The following PNPT1 variants were observed in gnomAD, a reference collection of about 807,000 sequenced individuals.
PNPT1 encodes the protein polyribonucleotide nucleotidyltransferase 1, mitochondrial.
A neutral mutation model predicts 119.5 loss-of-function variants in PNPT1; 53 were observed. That is an observed-to-expected ratio of 0.44 (90% CI 0.36 to 0.56). The LOEUF (loss-of-function observed/expected upper bound fraction) is 0.56, where lower values mean the gene tolerates loss of function less well. Ranked by LOEUF, PNPT1 falls within the 20% of genes least tolerant of loss-of-function variation. The pLI, the probability that PNPT1 is intolerant of heterozygous loss-of-function variation, is 0.00. For synonymous variants in PNPT1, 357 were observed against 322.1 expected, an observed-to-expected ratio of 1.11 and a Z score of -1.16; for missense variants, 948 against 938.5, an observed-to-expected ratio of 1.01 and a Z score of -0.13.
chr2:55,671,890 AT>A (rs749960857), intron 10 of PNPT1, 104 bp downstream of exon 10: 2 of 793,512 alleles, frequency 2.5e-6, no homozygotes, highest in Non-Finnish European at 4.0e-6. Flanking sequence ...TCATTTAGAG[AT>A]TTTTAATAAA....
chr2:55,683,014 C>G (rs1697296173), intron 5 of PNPT1, among the ~76,000 whole-genome samples: 1 of 152,116 alleles, frequency 6.6e-6, no homozygotes, highest in Non-Finnish European at 1.5e-5. Flanking sequence ...GAAATGGTTA[C>G]TTAAGTATAT....
Position 55,646,482 on chromosome 2 carries a change from A to G in PNPT1, c.1607T>C (p.Ile536Thr). ...GTCCATGTCACCATTGTAATCTTCA[A>G]TTCCCTTCAGGAATTTAAAAAGTTA... ...DYRLLTDILGIEDYNGDMDFK... is the reference protein window; with the variant it reads ...DYRLLTDILGTEDYNGDMDFK... Residue 536 changes from isoleucine (I) to threonine (T), a missense_variant, in exon 20 of 28, where the codon ATT becomes ACT. Coordinates refer to ENST00000447944, the MANE Select transcript of PNPT1 (RefSeq NM_033109.5). 1.9e-6 allele frequency: 3 copies of G among 1,608,856 alleles called. No individual in the cohort carries two copies. The East Asian group carries it at 6.7e-5, about 36-fold the overall frequency.
chr2:55,667,761 C>T (rs1696781345), intron 12 of PNPT1, 101 bp downstream of exon 12: 3 of 1,412,504 alleles, frequency 2.1e-6, no homozygotes, highest in Non-Finnish European at 2.8e-6. Flanking sequence ...CTTTACTGTT[C>T]ACTTGAAAAA....
At chr2:55,640,857 A>G in intron 25 of PNPT1, 152 bp from the exon 26 acceptor site, 1 of 568,058 alleles carries the variant, frequency 1.8e-6, no homozygotes, top group Non-Finnish European at 3.1e-6. Flanking sequence ...ATACTTTTCA[A>G]CTGAAAATAT....
chr2:55,691,478 A>G (rs1045097793), intron 1 of PNPT1, among the ~76,000 whole-genome samples: 1 of 152,220 alleles, frequency 6.6e-6, no homozygotes, highest in African/African-American at 2.4e-5. Flanking sequence ...AGCAGGTATG[A>G]TATTTTATTA....
chr2:55,635,057 T>G lies in PNPT1; in HGVS notation c.*1180A>C, dbSNP rs970829858. The G allele has an allele frequency of 3.3e-5, 5 of 152,138 alleles. No individual in the cohort carries two copies. The highest frequency in any genetic ancestry group is 7.3e-5 in the Non-Finnish European group (5 of 68,032). The allele number at this position is 152,138 out of a possible 1,614,324, so 9.4% of individuals were successfully genotyped here. On this transcript the variant is annotated 3_prime_UTR_variant, in exon 28 of 28. Coordinates refer to ENST00000447944, the MANE Select transcript of PNPT1 (RefSeq NM_033109.5). Reference sequence around the variant, plus strand: ...GGCACGTACCACTGAGTCCAGTGTATTTTTATAAGATTTTAAAAAAGATTA... The same window carrying G: ...GGCACGTACCACTGAGTCCAGTGTAGTTTTATAAGATTTTAAAAAAGATTA...
chr2:55,649,077 T>C (rs762513904), intron 18 of PNPT1, among the ~76,000 whole-genome samples: 63 of 152,288 alleles, frequency 4.1e-4, no homozygotes, highest in Non-Finnish European at 5.1e-4. Flanking sequence ...TGCCAAACCC[T>C]GGACCTGTAT....
chr2:55,690,479 T>C lies in PNPT1; in HGVS notation c.162-2774A>G, dbSNP rs372470109. ...CAATGCCCTACCCCAAGTAAGATTA[T>C]TCTGTCTTTCACATACCAAGGAGAT... On this transcript the variant is annotated intron_variant, in intron 1 of 27. Coordinates refer to ENST00000447944, the MANE Select transcript of PNPT1 (RefSeq NM_033109.5). Among the ~76,000 whole-genome samples, 145 of 152,318 alleles carry C rather than the reference T, an allele frequency of 9.5e-4. 2 individuals carry two copies. In the South Asian group the frequency reaches 0.028, roughly 29 times the overall value.
At chr2:55,637,501 A>C in intron 27 of PNPT1, 51 bp downstream of exon 27, 1 of 1,491,748 alleles carries the variant, frequency 6.7e-7, no homozygotes, top group Non-Finnish European at 9.3e-7. Flanking sequence ...AAACAATGGA[A>C]GCTTCAAGAA....
intron 26 of PNPT1, 67 bp from the exon 27 acceptor site, chr2:55,637,666 T>C: frequency 1.5e-6 from 2 of 1,313,420 alleles, no homozygotes; most frequent in Admixed American, 1.9e-5. Context: ...GAAGTACACA[T>C]TTTTTCCTCA....
At chr2:55,668,043 T>C in intron 11 of PNPT1, 85 bp from the exon 12 acceptor site, 2 of 1,175,734 alleles carry the variant, frequency 1.7e-6, no homozygotes, top group Non-Finnish European at 2.4e-6. Flanking sequence ...TAATATCAAC[T>C]AACTACGGGA....
At chr2:55,643,579 T>C (rs1695903214) in intron 23 of PNPT1, among the ~76,000 whole-genome samples, 154 bp from the exon 24 acceptor site, 1 of 151,976 alleles carries the variant, frequency 6.6e-6, no homozygotes, top group African/African-American at 2.4e-5. Context: ...AGCCTGTTAC[T>C]ACAAAAAATA....
At chr2:55,648,831 A>G (rs375875748) in intron 18 of PNPT1, among the ~76,000 whole-genome samples, 37 of 152,296 alleles carry the variant, frequency 2.4e-4, no homozygotes, top group African/African-American at 8.4e-4. Flanking sequence ...AGTTTACGTA[A>G]TCATGGTTTC....
chr2:55,640,767 A>G, intron 25 of PNPT1, 62 bp from the exon 26 acceptor site: 1 of 1,108,860 alleles, frequency 9.0e-7, no homozygotes, highest in Non-Finnish European at 1.3e-6. Flanking sequence ...CCATTGACAA[A>G]TAAAACATTG....
intron 7 of PNPT1, among the ~76,000 whole-genome samples, chr2:55,680,284 G>A (rs1237018315): frequency 6.6e-6 from 1 of 152,056 alleles, no homozygotes; most frequent in East Asian, 1.9e-4. Flanking sequence ...TTGTTGTATT[G>A]CTAGGGCCTG....
intron 13 of PNPT1, among the ~76,000 whole-genome samples, chr2:55,665,781 G>A (rs1696713432): frequency 6.6e-6 from 1 of 152,144 alleles, no homozygotes; most frequent in Non-Finnish European, 1.5e-5. Flanking sequence ...AAAGCAAAAA[G>A]TTACTACTTG....
intron 4 of PNPT1, among the ~76,000 whole-genome samples, chr2:55,684,231 G>A (rs72807622): frequency 0.024 from 3,731 of 152,292 alleles, 73 homozygotes; most frequent in South Asian, 0.1. Context: ...AGTGGTTCAC[G>A]CCTGCAATCC....
chr2:55,671,233 C>A, intron 11 of PNPT1, 86 bp downstream of exon 11: 1 of 651,646 alleles, frequency 1.5e-6, no homozygotes, highest in Non-Finnish European at 2.4e-6. Context: ...CCTCTTTGAC[C>A]TTTAATCCCA....
chr2:55,640,927 A>C (rs79398924), intron 25 of PNPT1, among the ~76,000 whole-genome samples: 1 of 152,292 alleles, frequency 6.6e-6, no homozygotes, highest in African/African-American at 2.4e-5. Context: ...AAAAACATGC[A>C]ATAGAAAAGC....
Sources: allele counts gnomAD v4.1 joint callset (sites outside exome capture counted in the v4.1 genomes callset), GRCh38; gene constraint gnomAD v4.1.1; transcripts MANE v1.5; gene names NCBI Gene and HGNC (gene_info 2026-07-23, HGNC 2026-07-21).